SLC24A3: variants seen among roughly 807,000 people sequenced by gnomAD.
SLC24A3 encodes sodium/potassium/calcium exchanger 3.
A neutral mutation model predicts 75.8 loss-of-function variants in SLC24A3; 28 were observed. The observed-to-expected ratio is 0.37, with a 90% CI of 0.27 to 0.51. The LOEUF is 0.51. SLC24A3 is among the 20% of genes least tolerant of loss of function. The pLI is 0.94. For synonymous variants in SLC24A3, 372 were observed against 334.1 expected, an observed-to-expected ratio of 1.11 and a Z score of -1.24; for missense variants, 663 against 847.8, an observed-to-expected ratio of 0.78 and a Z score of 2.71.
chr20:19,259,512 G>T (rs1234644064), intron 1 of SLC24A3, among the ~76,000 whole-genome samples: 1 of 152,236 alleles, frequency 6.6e-6, no homozygotes, highest in Non-Finnish European at 1.5e-5. Context: ...GACACCTGAA[G>T]ATTGGCGACC....
chr20:19,717,356 G>A (rs549879481), intron 15 of SLC24A3, among the ~76,000 whole-genome samples, 172 bp from the exon 16 acceptor site: 29 of 152,344 alleles, frequency 1.9e-4, no homozygotes, highest in African/African-American at 1.9e-4. Context: ...AACAGCACAC[G>A]TCTCAAGTAT....
chr20:19,401,306 G>C (rs1568608698), intron 2 of SLC24A3, among the ~76,000 whole-genome samples: 1 of 152,206 alleles, frequency 6.6e-6, no homozygotes, highest in Non-Finnish European at 1.5e-5. Context: ...TAGTCTTGGA[G>C]AGTAAGAACA....
chr20:19,524,125 C>T (rs1027030605), intron 3 of SLC24A3, among the ~76,000 whole-genome samples: 1 of 152,188 alleles, frequency 6.6e-6, no homozygotes, highest in African/African-American at 2.4e-5. Context: ...CTGTCTGCCC[C>T]AGTGCCCCAC....
At chr20:19,253,671 G>A (rs758034155) in intron 1 of SLC24A3, among the ~76,000 whole-genome samples, 1 of 152,186 alleles carries the variant, frequency 6.6e-6, no homozygotes, top group Non-Finnish European at 1.5e-5. Flanking sequence ...TTTCCCATAG[G>A]CTCTTCTAAT....
intron 2 of SLC24A3, among the ~76,000 whole-genome samples, chr20:19,491,093 G>A (rs1266377389): frequency 6.6e-6 from 1 of 152,208 alleles, no homozygotes; most frequent in Admixed American, 6.5e-5. Context: ...TTTGAAGCAT[G>A]TGAACTTGCC....
chr20:19,558,827 T>C (rs6081653), intron 3 of SLC24A3, among the ~76,000 whole-genome samples: 10,359 of 152,242 alleles, frequency 0.068, 427 homozygotes, highest in Middle Eastern at 0.12. Context: ...TATTCCTTTT[T>C]ATTAACAAGA....
chr20:19,409,017 C>T (rs547992585), intron 2 of SLC24A3, among the ~76,000 whole-genome samples: 17 of 152,240 alleles, frequency 1.1e-4, no homozygotes, highest in Admixed American at 5.9e-4. Flanking sequence ...AGGGAGAAGA[C>T]GATCCAGAAA....
chr20:19,225,726 A>G (rs567675386), intron 1 of SLC24A3, among the ~76,000 whole-genome samples: 17 of 152,268 alleles, frequency 1.1e-4, no homozygotes, highest in Non-Finnish European at 1.9e-4. Context: ...ACTCAGTACA[A>G]TGCTTCTCAG....
At chr20:19,280,685 G>C (rs1241377778) in intron 1 of SLC24A3, among the ~76,000 whole-genome samples, 1 of 152,204 alleles carries the variant, frequency 6.6e-6, no homozygotes, top group Non-Finnish European at 1.5e-5. Context: ...GGAATGGGGG[G>C]CAGTTGATCA....
chr20:19,656,202 T>G (rs987699435), intron 7 of SLC24A3, among the ~76,000 whole-genome samples: 2 of 152,190 alleles, frequency 1.3e-5, no homozygotes, highest in Non-Finnish European at 2.9e-5. Flanking sequence ...ACTGAAAATC[T>G]TGAGTTTACA....
chr20:19,284,167 C>T (rs965586286), intron 2 of SLC24A3: 1 of 153,124 alleles, frequency 6.5e-6, no homozygotes, highest in Admixed American at 6.5e-5. Flanking sequence ...GAAGCTGGCT[C>T]CTCGGTCTGG....
intron 6 of SLC24A3, among the ~76,000 whole-genome samples, chr20:19,616,134 C>A (rs908245732): frequency 2.0e-5 from 3 of 152,232 alleles, no homozygotes; most frequent in Non-Finnish European, 2.9e-5. Context: ...CCCAGCCAAG[C>A]TGACAAAGAG....
intron 1 of SLC24A3, among the ~76,000 whole-genome samples, chr20:19,278,464 G>A (rs1983556219): frequency 6.6e-6 from 1 of 152,182 alleles, no homozygotes; most frequent in Admixed American, 6.5e-5. Flanking sequence ...TGAAACAGAG[G>A]GGATGCCCTT....
At position 19,299,177 on chromosome 20, in the gene SLC24A3, C is replaced by CGTGTGTGT. The variant is rs761006484; in HGVS notation, c.271+18103_271+18110dup. Among the ~76,000 whole-genome samples the CGTGTGTGT allele has an allele frequency of 4.8e-3, 628 of 130,402 alleles. 9 individuals are homozygous for CGTGTGTGT. Among genetic ancestry groups the CGTGTGTGT allele is most frequent in the African/African-American group, 0.018 (587 of 31,734 alleles). The allele number at this position is 130,402 out of a possible 152,430, so 85.5% of individuals were successfully genotyped here. A position where few individuals can be genotyped will look rare whatever the true frequency, so the allele number is the denominator to read the frequency against. ...AGACCACATAATAGTTCTTCCCCTT[C>CGTGTGTGT]GTGTGTGTGTGTGTGTGTGTATGTG... On this transcript the variant is annotated intron_variant, in intron 2 of 16. Coordinates refer to ENST00000328041, the MANE Select transcript of SLC24A3 (RefSeq NM_020689.4).
intron 2 of SLC24A3, among the ~76,000 whole-genome samples, chr20:19,349,228 C>T (rs1251575073): frequency 6.6e-6 from 1 of 152,200 alleles, no homozygotes; most frequent in East Asian, 1.9e-4. Context: ...TGGGAGACTA[C>T]AGAATCGCTC....
At chr20:19,672,503 T>C (rs1456338568) in intron 8 of SLC24A3, among the ~76,000 whole-genome samples, 1 of 152,078 alleles carries the variant, frequency 6.6e-6, no homozygotes, top group African/African-American at 2.4e-5. Context: ...ACCTGGCTAA[T>C]TTTTTAATTT....
At chr20:19,492,857 G>GCACA (rs2122532383) in intron 2 of SLC24A3, among the ~76,000 whole-genome samples, 1 of 152,240 alleles carries the variant, frequency 6.6e-6, no homozygotes, top group African/African-American at 2.4e-5. Flanking sequence ...ATCCCTGGAA[G>GCACA]CACACCAAGC....
chr20:19,650,619 G>A (rs6081694), intron 6 of SLC24A3, among the ~76,000 whole-genome samples: 19,544 of 152,140 alleles, frequency 0.13, 1,345 homozygotes, highest in Admixed American at 0.15. Context: ...TAGAAGAGGA[G>A]GGTTTACGTC....
chr20:19,692,123 A>AT (rs2032751288), intron 12 of SLC24A3, among the ~76,000 whole-genome samples: 1 of 152,236 alleles, frequency 6.6e-6, no homozygotes, highest in South Asian at 2.1e-4. Flanking sequence ...TATAAAATAC[A>AT]TTTTATTAAA....
Sources: gnomAD v4.1 joint callset for allele counts (sites outside exome capture counted in the v4.1 genomes callset) on GRCh38, gnomAD v4.1.1 for gene constraint, MANE v1.5 for transcripts, NCBI Gene and HGNC (gene_info 2026-07-23, HGNC 2026-07-21) for gene names.